KPNA5: variants seen among roughly 807,000 people sequenced by gnomAD.
The protein encoded by KPNA5 is karyopherin subunit alpha 5.
A neutral mutation model predicts 71.3 loss-of-function variants in KPNA5; 46 were observed. That is an observed-to-expected ratio of 0.65 (90% CI 0.51 to 0.83). KPNA5 has a LOEUF of 0.83. Among genes scored for constraint, KPNA5 ranks in the 40% least tolerant of loss-of-function variants. The pLI, the probability that KPNA5 is intolerant of heterozygous loss-of-function variation, is 0.00. For synonymous variants in KPNA5, 207 were observed against 201.4 expected (o/e 1.03, Z -0.24); for missense variants, 547 against 628.3 (o/e 0.87, Z 1.38).
intron 1 of KPNA5, among the ~76,000 whole-genome samples, chr6:116,682,554 C>T (rs929562347): frequency 6.6e-6 from 1 of 152,124 alleles, no homozygotes; most frequent in Non-Finnish European, 1.5e-5. Context: ...GGCACTTCCC[C>T]CGCTTTGTGC....
chr6:116,705,136 G>T lies in KPNA5; in HGVS notation c.632G>T (p.Cys211Phe). Reference sequence around the variant, plus strand: ...GAATGCAGAGATTTTGTTTTGAATTGTGAAATACTTCCACCTCTTTTAGAG... The same window carrying T: ...GAATGCAGAGATTTTGTTTTGAATTTTGAAATACTTCCACCTCTTTTAGAG... ...NAECRDFVLN[C>F]EILPPLLELL... Residue 211 changes from cysteine (C) to phenylalanine (F), a missense_variant, in exon 7 of 14, where the codon TGT (cysteine) becomes TTT (phenylalanine). Physicochemically the swap from Cys to Phe is radical, Grantham distance 205 (BLOSUM62 -2). Transcript: ENST00000368564. The T allele has an allele frequency of 6.2e-7, 1 of 1,611,072 alleles. No homozygotes were observed. The highest frequency in any genetic ancestry group is 8.5e-7 in the Non-Finnish European group (1 of 1,178,710).
chr6:116,690,670 A>G lies in KPNA5; in HGVS notation c.138+1217A>G, dbSNP rs1057313869. ...AAAAAAAAAAAAAAAGAAGAACGAT[A>G]TTTATTTAGATGTCAAAAAGAATAT... On this transcript the variant is annotated intron_variant, in intron 2 of 13. Transcript: ENST00000368564. 4.0e-5 allele frequency among the ~76,000 whole-genome samples: 6 copies of G among 151,624 alleles called. No homozygotes were observed. In the East Asian group the frequency reaches 5.8e-4, roughly 15 times the overall value.
chr6:116,704,991 C>A, intron 6 of KPNA5, 81 bp from the exon 7 acceptor site: 1 of 866,492 alleles, frequency 1.2e-6, no homozygotes, highest in South Asian at 1.7e-5. Context: ...TTGCTTTGTT[C>A]ATTGTGTACT....
rs1403447728 is a variant in KPNA5 at position 116,734,407 on chromosome 6, A to C, written c.*2084A>C. Reference sequence around the variant, plus strand: ...TGCATGCACACAGAATGACCTGTGAAAGGAAACTTAAATTTTGCCGGTAAA... The same window carrying C: ...TGCATGCACACAGAATGACCTGTGACAGGAAACTTAAATTTTGCCGGTAAA... On this transcript the variant is annotated 3_prime_UTR_variant, in exon 14 of 14. Coordinates refer to ENST00000368564, the MANE Select transcript of KPNA5 (RefSeq NM_001366306.2). 1 of 151,826 alleles carries C rather than the reference A, an allele frequency of 6.6e-6. No homozygotes were observed. Among genetic ancestry groups the C allele is most frequent in the African/African-American group, 2.4e-5 (1 of 41,442 alleles). The allele number at this position is 151,826 out of a possible 1,614,324, so 9.4% of individuals were successfully genotyped here.
chr6:116,733,468 C>A lies in KPNA5; in HGVS notation c.*1145C>A, dbSNP rs1779565589. ...TAGTAATACTCAGAGGGTCATTCTG[C>A]TGCTTGTTATGAATCATAGATTACA... On this transcript the variant is annotated 3_prime_UTR_variant, in exon 14 of 14. Coordinates refer to ENST00000368564, the MANE Select transcript of KPNA5 (RefSeq NM_001366306.2). The A allele has an allele frequency of 6.6e-6, 1 of 151,542 alleles. No homozygotes were observed. The highest frequency in any genetic ancestry group is 2.1e-4 in the South Asian group (1 of 4,828). The allele number at this position is 151,542 out of a possible 1,614,324, so 9.4% of individuals were successfully genotyped here.
chr6:116,729,523 C>G lies in KPNA5; in HGVS notation c.1254-40C>G, dbSNP rs368566833. ...AAACAGTACTTAAGTCTTTTTAAAT[C>G]TTTTTTTCCCTGTTTCTTCTCTTTT... On this transcript the variant is annotated intron_variant, in intron 12 of 13. Coordinates refer to ENST00000368564, the MANE Select transcript of KPNA5 (RefSeq NM_001366306.2). The G allele has an allele frequency of 1.7e-5, 22 of 1,301,872 alleles. No individual in the cohort carries two copies. The African/African-American group carries it at 2.3e-4, about 13-fold the overall frequency. 80.6% of individuals were successfully genotyped at this position (1,301,872 alleles called of 1,614,324 possible).
At chr6:116,692,842 G>A (rs1038716872) in intron 4 of KPNA5, among the ~76,000 whole-genome samples, 5 of 151,942 alleles carry the variant, frequency 3.3e-5, no homozygotes, top group Admixed American at 6.5e-5. Context: ...CCATTAACTC[G>A]TCATTTAACA....
At chr6:116,732,100 A>G (rs781631450) in intron 13 of KPNA5, 36 bp from the exon 14 acceptor site, 5 of 201,822 alleles carry the variant, frequency 2.5e-5, no homozygotes, top group Admixed American at 6.7e-5. Flanking sequence ...ATATATATAT[A>G]TATATATATA....
At chr6:116,692,511 C>T in intron 4 of KPNA5, 119 bp downstream of exon 4, 1 of 649,300 alleles carries the variant, frequency 1.5e-6, no homozygotes, top group South Asian at 2.0e-5. Context: ...GTGTTATATT[C>T]TCTGCAAAAT....
At chr6:116,723,836 T>A (rs1485995465) in intron 9 of KPNA5, among the ~76,000 whole-genome samples, 1 of 152,050 alleles carries the variant, frequency 6.6e-6, no homozygotes, top group South Asian at 2.1e-4. Flanking sequence ...ATTAATTATA[T>A]TAATTATAAA....
At chr6:116,687,018 T>G (rs1292305331) in intron 1 of KPNA5, among the ~76,000 whole-genome samples, 1 of 152,228 alleles carries the variant, frequency 6.6e-6, no homozygotes, top group Non-Finnish European at 1.5e-5. Context: ...TTCAGTCTCT[T>G]TTTTGGTTCC....
chr6:116,712,252 T>G (rs563697556), intron 7 of KPNA5, among the ~76,000 whole-genome samples: 1 of 152,330 alleles, frequency 6.6e-6, no homozygotes, highest in African/African-American at 2.4e-5. Context: ...ATGTGTTACT[T>G]CTTCCTGATA....
intron 4 of KPNA5, among the ~76,000 whole-genome samples, chr6:116,696,636 G>A (rs984989900): frequency 3.3e-5 from 5 of 151,950 alleles, no homozygotes; most frequent in African/African-American, 1.2e-4. Context: ...TCCCAGTTTT[G>A]TAGAAAGTTC....
At chr6:116,720,055 C>T (rs916577628) in intron 8 of KPNA5, among the ~76,000 whole-genome samples, 1 of 152,192 alleles carries the variant, frequency 6.6e-6, no homozygotes, top group Non-Finnish European at 1.5e-5. Flanking sequence ...AAATAAACTT[C>T]CAGTCTTTGG....
At chr6:116,731,896 T>TG (rs1779496269) in intron 13 of KPNA5, among the ~76,000 whole-genome samples, 1 of 151,636 alleles carries the variant, frequency 6.6e-6, no homozygotes, top group Non-Finnish European at 1.5e-5. Context: ...CCCAGGCCTA[T>TG]GGTCCTTCTT....
chr6:116,724,004 C>T (rs1562453604), intron 9 of KPNA5, among the ~76,000 whole-genome samples: 1 of 151,994 alleles, frequency 6.6e-6, no homozygotes, highest in African/African-American at 2.4e-5. Flanking sequence ...TAACCTGGGT[C>T]TTAATCATGA....
chr6:116,726,086 A>G (rs372857084), intron 11 of KPNA5, among the ~76,000 whole-genome samples: 2 of 99,372 alleles, frequency 2.0e-5, no homozygotes, highest in African/African-American at 9.9e-5. Flanking sequence ...GTGTGTGTCT[A>G]GCACAGTGCC....
chr6:116,717,663 G>A (rs1214366578), intron 8 of KPNA5, among the ~76,000 whole-genome samples: 8 of 152,154 alleles, frequency 5.3e-5, no homozygotes, highest in African/African-American at 1.7e-4. Flanking sequence ...AGGAAAGTAC[G>A]CTTGGAAGGG....
intron 4 of KPNA5, among the ~76,000 whole-genome samples, chr6:116,693,615 C>T (rs1777898788): frequency 6.6e-6 from 1 of 152,026 alleles, no homozygotes; most frequent in Non-Finnish European, 1.5e-5. Context: ...TGTTTGAGTT[C>T]TTTGTAGATT....
Sources: gnomAD v4.1 joint callset for allele counts (sites outside exome capture counted in the v4.1 genomes callset) on GRCh38, gnomAD v4.1.1 for gene constraint, MANE v1.5 for transcripts, NCBI Gene and HGNC (gene_info 2026-07-23, HGNC 2026-07-21) for gene names.